The following ALS2 variants were observed in gnomAD, a reference collection of about 807,000 sequenced individuals.
ALS2 encodes alsin.
A neutral mutation model predicts 203.4 loss-of-function variants in ALS2; 117 were observed. The ratio of observed to expected loss-of-function variants is 0.58; its 90% confidence interval spans 0.50 to 0.67. The LOEUF (loss-of-function observed/expected upper bound fraction) is 0.67, where lower values mean the gene tolerates loss of function less well. ALS2 is among the 30% of genes least tolerant of loss of function. The probability of loss-of-function intolerance (pLI) is 0.00; values close to 1 mark genes in which losing one functional copy is unlikely to be tolerated. For missense variants in ALS2, 1,715 were observed against 1,989.4 expected (o/e 0.86, Z 2.62); for synonymous variants, 718 against 725.9 (o/e 0.99, Z 0.17).
intron 11 of ALS2, 147 bp downstream of exon 11, chr2:201,741,527 A>G (rs1385732767): frequency 3.6e-6 from 3 of 837,940 alleles, no homozygotes; most frequent in African/African-American, 3.4e-5. Context: ...ATCCAGAACT[A>G]TAGTTGGCTT....
At chr2:201,777,178 A>C (rs759820861) in intron 1 of ALS2, among the ~76,000 whole-genome samples, 1 of 152,070 alleles carries the variant, frequency 6.6e-6, no homozygotes, top group Non-Finnish European at 1.5e-5. Flanking sequence ...TTGCTCCCCT[A>C]TACTTCCAGA....
At chr2:201,742,984 T>C (rs1406834805) in intron 10 of ALS2, among the ~76,000 whole-genome samples, 2 of 151,516 alleles carry the variant, frequency 1.3e-5, no homozygotes, top group African/African-American at 4.9e-5. Flanking sequence ...GGCACGAGAA[T>C]TGCTTGAACC....
rs769623010 is a variant in ALS2 at position 201,726,442 on chromosome 2, C to T, written c.3248+42G>A. 19 of 1,532,832 alleles carry T rather than the reference C, an allele frequency of 1.2e-5. No homozygotes were observed. The African/African-American group carries it at 2.2e-4, about 18-fold the overall frequency. 95.0% of individuals were successfully genotyped at this position (1,532,832 alleles called of 1,614,324 possible). A position where few individuals can be genotyped will look rare whatever the true frequency, so the allele number is the denominator to read the frequency against. On this transcript the variant is annotated intron_variant, in intron 19 of 33. Coordinates refer to ENST00000264276, the MANE Select transcript of ALS2 (RefSeq NM_020919.4). ...CAAAATAACATAATTTACGACCTTA[C>T]CGAACTTGAATTTACTGTCATGTTT... is the stretch of plus-strand genomic sequence containing the variant.
chr2:201,771,941 G>A (rs1694404162), intron 1 of ALS2, among the ~76,000 whole-genome samples: 1 of 152,174 alleles, frequency 6.6e-6, no homozygotes, highest in African/African-American at 2.4e-5. Context: ...CATTTACTGT[G>A]GGACCCTCTC....
chr2:201,724,406 C>T lies in ALS2; in HGVS notation c.3401G>A (p.Gly1134Asp), dbSNP rs760362811. The change falls in exon 21 of 34, where the codon GGT becomes GAT. Residue 1134 changes from glycine (G) to aspartate (D), a missense_variant. Physicochemically the swap from Gly to Asp is moderately conservative, Grantham distance 94 (BLOSUM62 -1). Transcript: ENST00000264276. ...EGCFQDNMRH[G>D]HGLLRSGKLT... Reference sequence around the variant, plus strand: ...TTTCCCACTTCGTAGAAGACCATGACCATGACGCATATTATCTTGAAAACA... The same window carrying T: ...TTTCCCACTTCGTAGAAGACCATGATCATGACGCATATTATCTTGAAAACA... The T allele has an allele frequency of 6.2e-7, 1 of 1,613,980 alleles. No individual in the cohort carries two copies. Among genetic ancestry groups the T allele is most frequent in the African/African-American group, 1.3e-5 (1 of 75,028 alleles).
intron 10 of ALS2, among the ~76,000 whole-genome samples, chr2:201,744,039 C>T (rs192923418): frequency 6.6e-5 from 10 of 152,208 alleles, no homozygotes; most frequent in Middle Eastern, 3.4e-3. Flanking sequence ...TTCTGGAAGC[C>T]GCAGGAGCTC....
chr2:201,718,404 C>T (rs886390629), intron 23 of ALS2, among the ~76,000 whole-genome samples, 194 bp from the exon 24 acceptor site: 3 of 152,204 alleles, frequency 2.0e-5, no homozygotes, highest in East Asian at 1.9e-4. Context: ...GGATCACAGG[C>T]GCCCGCCACC....
chr2:201,729,622 T>C (rs1396482307), intron 13 of ALS2, among the ~76,000 whole-genome samples: 1 of 152,200 alleles, frequency 6.6e-6, no homozygotes, highest in African/African-American at 2.4e-5. Flanking sequence ...GGCTCACACC[T>C]GTAATCCCAG....
At chr2:201,720,955 CA>C (rs1049128115) in intron 23 of ALS2, among the ~76,000 whole-genome samples, 1 of 151,416 alleles carries the variant, frequency 6.6e-6, no homozygotes, top group Non-Finnish European at 1.5e-5. Flanking sequence ...AATCCACACA[CA>C]AAAAAAACCA....
At position 201,757,583 on chromosome 2, in the gene ALS2, A is replaced by G. The variant is rs768502916; in HGVS notation, c.1290T>C (p.Cys430=). The change falls in exon 5 of 34, where the codon TGT becomes TGC. Residue 430 remains cysteine, a synonymous_variant. Coordinates refer to ENST00000264276, the MANE Select transcript of ALS2 (RefSeq NM_020919.4). ...KVMNFYSTTP[C]ETGAQAGSSA... ...TACTGCCTGCCTGAGCTCCAGTTTC[A>G]CAAGGGGTTGTACTATAAAAGTTCA... The G allele has an allele frequency of 5.6e-5, 91 of 1,613,984 alleles. No individual in the cohort carries two copies. The highest frequency in any genetic ancestry group is 7.7e-5 in the Non-Finnish European group (91 of 1,180,026).
Position 201,725,363 on chromosome 2 carries a change from C to G in ALS2, c.3340G>C (p.Val1114Leu), listed in dbSNP as rs898549941. The G allele has an allele frequency of 1.2e-6, 2 of 1,613,360 alleles. No individual in the cohort carries two copies. Among genetic ancestry groups the G allele is most frequent in the African/African-American group, 2.7e-5 (2 of 74,918 alleles). Residue 1114 changes from valine to leucine, a missense_variant, in exon 20 of 34, where the codon GTC (valine) becomes CTC (leucine). Val to Leu is a conservative substitution (Grantham distance 32). Around this residue, in one of 3 missense-constraint regions of ALS2, gnomAD observed 1,227 missense variants for 1,413.5 expected, o/e 0.87. Coordinates refer to ENST00000264276, the MANE Select transcript of ALS2 (RefSeq NM_020919.4). ...CAGCCTTTCCAATGTTACCTGTAGA[C>G]TCCTTGACCGCACATTTTTCCTTCT... ...WKEGKMCGQG[V>L]YSYASGEVFE... is the part of the protein sequence containing the mutation.
intron 3 of ALS2, among the ~76,000 whole-genome samples, chr2:201,763,924 T>G (rs7608250): frequency 0.17 from 25,746 of 152,114 alleles, 2,497 homozygotes; most frequent in East Asian, 0.4. Context: ...AGATTTATGA[T>G]TTTTTTTAAT....
intron 23 of ALS2, among the ~76,000 whole-genome samples, chr2:201,720,981 C>T (rs930887276): frequency 4.6e-5 from 7 of 151,930 alleles, no homozygotes; most frequent in African/African-American, 1.5e-4. Flanking sequence ...AACTAATAAA[C>T]GAATTCAGCA....
Position 201,718,118 on chromosome 2 carries a change from T to TTCAA in ALS2, c.3794_3795insTTGA (p.Lys1265AsnfsTer2). On this transcript the variant is annotated stop_gained and frameshift_variant, in exon 24 of 34. Coordinates refer to ENST00000264276, the MANE Select transcript of ALS2 (RefSeq NM_020919.4). LOFTEE classifies it high-confidence loss of function. ...CTTTATCACTCTCATATAGACTAGG[T>TTCAA]TTGAAGTAGGTTCCAGTGATTTTTA... The TTCAA allele has an allele frequency of 6.2e-7, 1 of 1,613,754 alleles. No individual in the cohort carries two copies. The highest frequency in any genetic ancestry group is 8.5e-7 in the Non-Finnish European group (1 of 1,179,714).
chr2:201,726,523 T>C lies in ALS2; in HGVS notation c.3209A>G (p.Lys1070Arg). Residue 1070 changes from lysine to arginine, a missense_variant, in exon 19 of 34, where the codon AAG (lysine) becomes AGG (arginine). Around this residue, in one of 3 missense-constraint regions of ALS2, gnomAD observed 1,227 missense variants for 1,413.5 expected, o/e 0.87. Transcript: ENST00000264276. ...GRGVLKWPDG[K>R]MYSGMFRNGL... ...ATTCCTGAACATGCCAGAATACATC[T>C]TTCCATCAGGCCACTTCAAAACCCC... 1 of 1,614,188 alleles carries C rather than the reference T, an allele frequency of 6.2e-7. No individual in the cohort carries two copies. The highest frequency in any genetic ancestry group is 8.5e-7 in the Non-Finnish European group (1 of 1,180,004).
chr2:201,727,628 G>T, intron 16 of ALS2, 77 bp downstream of exon 16: 1 of 1,200,902 alleles, frequency 8.3e-7, no homozygotes, highest in Non-Finnish European at 1.2e-6. Flanking sequence ...GCCTTCCTGA[G>T]CTTTTTTTCA....
intron 7 of ALS2, among the ~76,000 whole-genome samples, chr2:201,751,255 T>C (rs962218809): frequency 6.6e-6 from 1 of 152,228 alleles, no homozygotes; most frequent in African/African-American, 2.4e-5. Context: ...TATGCCATTC[T>C]GATTTTTGAT....
At chr2:201,742,791 G>A (rs2106047030) in intron 10 of ALS2, among the ~76,000 whole-genome samples, 1 of 152,240 alleles carries the variant, frequency 6.6e-6, no homozygotes, top group East Asian at 1.9e-4. Context: ...CAATGGGCAG[G>A]CCGGGCACGG....
intron 5 of ALS2, among the ~76,000 whole-genome samples, chr2:201,755,213 A>C (rs2106075704): frequency 6.6e-6 from 1 of 152,202 alleles, no homozygotes; most frequent in East Asian, 1.9e-4. Context: ...TTATGACTAC[A>C]TCTGTGAATA....
Sources: allele counts gnomAD v4.1 joint callset (sites outside exome capture counted in the v4.1 genomes callset), GRCh38; gene constraint gnomAD v4.1.1; regional missense constraint gnomAD v4.1.1; transcripts MANE v1.5; gene names NCBI Gene and HGNC (gene_info 2026-07-23, HGNC 2026-07-21).